Variants in CDH11 observed in about 807,000 individuals in gnomAD.
The protein encoded by CDH11 is cadherin-11.
A neutral mutation model predicts 67.8 loss-of-function variants in CDH11; 11 were observed. That is an observed-to-expected ratio of 0.16 (90% CI 0.10 to 0.27). The LOEUF (loss-of-function observed/expected upper bound fraction) is 0.27, where lower values mean the gene tolerates loss of function less well. CDH11 is among the 10% of genes least tolerant of loss of function. The probability of loss-of-function intolerance (pLI) is 1.00; values close to 1 mark genes in which losing one functional copy is unlikely to be tolerated. For missense variants in CDH11, 847 were observed against 1,031.2 expected (o/e 0.82, Z 2.45); for synonymous variants, 419 against 400.0 (o/e 1.05, Z -0.57).
Position 64,992,980 on chromosome 16 carries a change from T to G in CDH11, c.578A>C (p.Asn193Thr), listed in dbSNP as rs1378104387. 1 of 1,611,988 alleles carries G rather than the reference T, an allele frequency of 6.2e-7. No individual in the cohort carries two copies. The highest frequency in any genetic ancestry group is 1.7e-5 in the Admixed American group (1 of 60,020). ...GATACTGTACACTAACTTGGCGCTA[T>G]TTCCATAAGTGGGGTCATCTGCATC... The part of the protein sequence containing the change: ...ASDADDPTYG[N>T]SAKLVYSILE... The change falls in exon 5 of 13, where the codon AAT (asparagine) becomes ACT (threonine). Residue 193 changes from asparagine to threonine, a missense_variant. Physicochemically the swap from Asn to Thr is moderately conservative, Grantham distance 65. Coordinates refer to ENST00000268603, the MANE Select transcript of CDH11 (RefSeq NM_001797.4).
intron 1 of CDH11, among the ~76,000 whole-genome samples, chr16:65,106,592 C>T (rs11861237): frequency 0.13 from 20,489 of 152,084 alleles, 1,510 homozygotes; most frequent in East Asian, 0.22. Flanking sequence ...ACATACAAGA[C>T]CTTAATGCTG....
Position 64,946,612 on chromosome 16 carries a change from A to G in CDH11, c.*991T>C. On this transcript the variant is annotated 3_prime_UTR_variant, in exon 13 of 13. Coordinates refer to ENST00000268603, the MANE Select transcript of CDH11 (RefSeq NM_001797.4). Reference sequence around the variant, plus strand: ...ACATGATGTTACAGAATCTTGTCTGAAAAAACATTTGTAAAACATATTTGA... The same window carrying G: ...ACATGATGTTACAGAATCTTGTCTGGAAAAACATTTGTAAAACATATTTGA... The G allele has an allele frequency of 7.8e-6, 8 of 1,029,990 alleles. No individual in the cohort carries two copies. Among genetic ancestry groups the G allele is most frequent in the Non-Finnish European group, 9.3e-6 (8 of 856,310 alleles). 63.8% of individuals were successfully genotyped at this position (1,029,990 alleles called of 1,614,324 possible). A position where few individuals can be genotyped will look rare whatever the true frequency, so the allele number is the denominator to read the frequency against.
intron 3 of CDH11, among the ~76,000 whole-genome samples, chr16:65,003,549 G>A (rs553057776): frequency 1.3e-5 from 2 of 152,326 alleles, no homozygotes; most frequent in South Asian, 2.1e-4. Flanking sequence ...GAGCCACTGT[G>A]CTGGCCGCAC....
chr16:65,096,406 G>GGGGTGTGTGTGTGT (rs1555528173), intron 1 of CDH11, among the ~76,000 whole-genome samples: 1 of 134,010 alleles, frequency 7.5e-6, no homozygotes, highest in African/African-American at 2.8e-5. Flanking sequence ...AATCTTTCGG[G>GGGGTGTGTGTGTGT]GTGTGTGTGT....
intron 2 of CDH11, among the ~76,000 whole-genome samples, chr16:65,034,204 G>A (rs1764938156): frequency 6.6e-6 from 1 of 152,190 alleles, no homozygotes; most frequent in South Asian, 2.1e-4. Context: ...GCCAAGGAAT[G>A]CCTGAGTTAC....
At chr16:65,074,252 C>T (rs1052680261) in intron 1 of CDH11, among the ~76,000 whole-genome samples, 14 of 152,068 alleles carry the variant, frequency 9.2e-5, no homozygotes, top group African/African-American at 3.4e-4. Flanking sequence ...GGACACATTG[C>T]TGCTAAAAGT....
At chr16:65,098,695 C>T (rs1056265244) in intron 1 of CDH11, among the ~76,000 whole-genome samples, 9 of 152,106 alleles carry the variant, frequency 5.9e-5, no homozygotes, top group African/African-American at 2.2e-4. Flanking sequence ...TCACCCGTAG[C>T]ATCTCCTATT....
At chr16:65,110,189 A>T (rs988548561) in intron 1 of CDH11, among the ~76,000 whole-genome samples, 1 of 150,728 alleles carries the variant, frequency 6.6e-6, no homozygotes, top group Non-Finnish European at 1.5e-5. Flanking sequence ...GTTTACTAAA[A>T]CCTCCTTCTG....
intron 11 of CDH11, among the ~76,000 whole-genome samples, chr16:64,971,045 A>C (rs2071989421): frequency 6.6e-6 from 1 of 152,250 alleles, no homozygotes; most frequent in Non-Finnish European, 1.5e-5. Flanking sequence ...AATAGTATTA[A>C]ATTTTGCCGT....
intron 2 of CDH11, among the ~76,000 whole-genome samples, chr16:65,045,368 TATATG>T (rs2073943542): frequency 8.1e-6 from 1 of 124,126 alleles, no homozygotes; most frequent in Admixed American, 8.6e-5. Context: ...TATATATATA[TATATG>T]AACTGTTGCT....
chr16:65,050,958 C>T (rs1469540177), intron 2 of CDH11, among the ~76,000 whole-genome samples: 1 of 151,940 alleles, frequency 6.6e-6, no homozygotes, highest in Non-Finnish European at 1.5e-5. Context: ...TTCAAAGGGC[C>T]GATGAAATGA....
At chr16:65,119,914 G>T (rs1290456915) in intron 1 of CDH11, among the ~76,000 whole-genome samples, 1 of 152,120 alleles carries the variant, frequency 6.6e-6, no homozygotes, top group African/African-American at 2.4e-5. Flanking sequence ...TTTGTACTAG[G>T]CTGGATTTCA....
chr16:65,107,636 A>AT (rs2075086040), intron 1 of CDH11, among the ~76,000 whole-genome samples: 1 of 152,218 alleles, frequency 6.6e-6, no homozygotes, highest in African/African-American at 2.4e-5. Flanking sequence ...TGGTATTGAA[A>AT]GTATCCCATA....
At chr16:65,041,948 C>CAGAG (rs138087843) in intron 2 of CDH11, among the ~76,000 whole-genome samples, 5 of 150,876 alleles carry the variant, frequency 3.3e-5, no homozygotes, top group South Asian at 2.1e-4. Flanking sequence ...AGGAGGAACT[C>CAGAG]AGAGAGAGAG....
chr16:65,049,920 G>A (rs1007263710), intron 2 of CDH11, among the ~76,000 whole-genome samples: 1 of 152,166 alleles, frequency 6.6e-6, no homozygotes, highest in African/African-American at 2.4e-5. Flanking sequence ...GAAGCAGGTT[G>A]CTAACACTTC....
intron 1 of CDH11, among the ~76,000 whole-genome samples, chr16:65,091,286 A>G (rs2074788546): frequency 6.6e-6 from 1 of 152,226 alleles, no homozygotes; most frequent in South Asian, 2.1e-4. Flanking sequence ...TGTGCATCTA[A>G]TTTTTAAATA....
At chr16:65,002,318 C>A (rs955921230) in intron 3 of CDH11, among the ~76,000 whole-genome samples, 2 of 152,098 alleles carry the variant, frequency 1.3e-5, no homozygotes, top group Admixed American at 1.3e-4. Flanking sequence ...CTTCTGCAAC[C>A]CCCAATCTGA....
intron 1 of CDH11, among the ~76,000 whole-genome samples, chr16:65,091,102 C>T (rs1383364678): frequency 6.6e-6 from 1 of 152,148 alleles, no homozygotes; most frequent in Non-Finnish European, 1.5e-5. Context: ...AATTCAATGG[C>T]CTACCTTGTA....
intron 2 of CDH11, among the ~76,000 whole-genome samples, chr16:65,015,199 T>C (rs949981812): frequency 6.6e-6 from 1 of 151,468 alleles, no homozygotes; most frequent in Non-Finnish European, 1.5e-5. Flanking sequence ...TCAGAAACAG[T>C]GGAAAGATGT....
Sources: gnomAD v4.1 joint callset for allele counts (sites outside exome capture counted in the v4.1 genomes callset) on GRCh38, gnomAD v4.1.1 for gene constraint, MANE v1.5 for transcripts, NCBI Gene and HGNC (gene_info 2026-07-23, HGNC 2026-07-21) for gene names.